Variants in RAB11FIP3 observed in about 807,000 individuals in gnomAD.
RAB11FIP3 encodes the protein rab11 family-interacting protein 3.
RAB11FIP3 carries 17 observed loss-of-function variants against 77.8 expected under a neutral mutation model. That is an observed-to-expected ratio of 0.22 (90% CI 0.15 to 0.33). The LOEUF (loss-of-function observed/expected upper bound fraction) is 0.33. RAB11FIP3 is among the 10% of genes least tolerant of loss of function. RAB11FIP3 has a pLI of 1.00. For missense variants in RAB11FIP3, 1,005 were observed against 1,011.2 expected, an observed-to-expected ratio of 0.99 and a Z score of 0.08; for synonymous variants, 437 against 448.2, an observed-to-expected ratio of 0.98 and a Z score of 0.31.
At chr16:474,935 A>G (rs2055873041) in intron 3 of RAB11FIP3, 1 of 1,547,060 alleles carries the variant, frequency 6.5e-7, no homozygotes, top group South Asian at 1.2e-5. Flanking sequence ...CAGAAACCCC[A>G]GCATGACAAG....
At chr16:477,238 G>C (rs1174606297) in intron 3 of RAB11FIP3, among the ~76,000 whole-genome samples, 1 of 152,152 alleles carries the variant, frequency 6.6e-6, no homozygotes, top group Non-Finnish European at 1.5e-5. Flanking sequence ...TCGGCGACAA[G>C]AGCGAGACTC....
chr16:437,724 A>C (rs1273080608), intron 1 of RAB11FIP3, among the ~76,000 whole-genome samples: 4 of 152,182 alleles, frequency 2.6e-5, no homozygotes, highest in African/African-American at 9.6e-5. Flanking sequence ...CGAGCGCGCA[A>C]GACTGTTATG....
Position 505,080 on chromosome 16 carries a change from C to T in RAB11FIP3, c.1396-444C>T, listed in dbSNP as rs142111589. 2.7e-5 allele frequency among the ~76,000 whole-genome samples: 4 copies of T among 150,818 alleles called. No homozygotes were observed. Among genetic ancestry groups the T allele is most frequent in the Admixed American group, 6.6e-5 (1 of 15,062 alleles). Reference sequence around the variant, plus strand: ...CTCCCTTCACTCCTTCTCCTACCTCCGCAGGTGTCTGATTCTCATCTTGGT... The same window carrying T: ...CTCCCTTCACTCCTTCTCCTACCTCTGCAGGTGTCTGATTCTCATCTTGGT... On this transcript the variant is annotated intron_variant, in intron 7 of 13. Coordinates refer to ENST00000262305, the MANE Select transcript of RAB11FIP3 (RefSeq NM_014700.4). The surrounding 1 kb of genome is among the most constrained non-coding windows in gnomAD (Gnocchi z 4.0).
At chr16:515,347 T>C (rs1011461278) in intron 9 of RAB11FIP3, among the ~76,000 whole-genome samples, 2 of 152,144 alleles carry the variant, frequency 1.3e-5, no homozygotes, top group Non-Finnish European at 2.9e-5. Flanking sequence ...CTTAGTATGC[T>C]CCACTCAGCA....
chr16:486,635 G>A lies in RAB11FIP3; in HGVS notation c.1116-2216G>A, dbSNP rs560518075. Among the ~76,000 whole-genome samples, 234 of 152,354 alleles carry A rather than the reference G, an allele frequency of 1.5e-3. 1 individual carries two copies. Among genetic ancestry groups the A allele is most frequent in the Non-Finnish European group, 2.4e-3 (166 of 68,040 alleles). On this transcript the variant is annotated intron_variant, in intron 4 of 13. Transcript: ENST00000262305. ...TTGGGCGTCTGGGTGCAGACCGTCC[G>A]GTTCATACAGTCTCTGCCGTGTGGC...
At chr16:481,511 CA>C (rs1275931986) in intron 3 of RAB11FIP3, among the ~76,000 whole-genome samples, 1 of 149,904 alleles carries the variant, frequency 6.7e-6, no homozygotes, top group African/African-American at 2.4e-5. Flanking sequence ...GACCCTGTCT[CA>C]AAAAAAAACC....
intron 11 of RAB11FIP3, 46 bp downstream of exon 11, chr16:519,937 C>A: frequency 1.3e-6 from 2 of 1,536,304 alleles, no homozygotes; most frequent in Non-Finnish European, 1.8e-6. Context: ...CCCAGCCTGC[C>A]CCACGGGGAG....
chr16:426,623 G>C lies in RAB11FIP3; in HGVS notation c.617G>C (p.Arg206Pro). 2 of 1,591,420 alleles carry C rather than the reference G, an allele frequency of 1.3e-6. No homozygotes were observed. Among genetic ancestry groups the C allele is most frequent in the Admixed American group, 3.5e-5 (2 of 57,060 alleles). The change falls in exon 1 of 14, where the codon CGC becomes CCC. Residue 206 changes from arginine to proline, a missense_variant. By Grantham distance (103) the Arg-to-Pro change is moderately radical (BLOSUM62 -2). Coordinates refer to ENST00000262305, the MANE Select transcript of RAB11FIP3 (RefSeq NM_014700.4). This position sits in a 1 kb window ranked among gnomAD's most constrained non-coding sequence, Gnocchi z 5.0. ...EPVGSQEDGP[R>P]LRAVFDALDG... Reference sequence around the variant, plus strand: ...GTGGGGAGTCAGGAGGACGGCCCCCGCCTCCGAGCCGTGTTCGATGCCCTG... The same window carrying C: ...GTGGGGAGTCAGGAGGACGGCCCCCCCCTCCGAGCCGTGTTCGATGCCCTG...
chr16:426,829 C>T lies in RAB11FIP3; in HGVS notation c.714+109C>T. 4 of 842,080 alleles carry T rather than the reference C, an allele frequency of 4.8e-6. No homozygotes were observed. The highest frequency in any genetic ancestry group is 3.0e-5 in the East Asian group (1 of 33,478). The allele number at this position is 842,080 out of a possible 1,614,324, so 52.2% of individuals were successfully genotyped here. ...CCCCTGGAGTCGGGAAAGGCACTGT[C>T]AAGACCTGACGGTCCTGCTTTTTCT... On this transcript the variant is annotated intron_variant, in intron 1 of 13. Coordinates refer to ENST00000262305, the MANE Select transcript of RAB11FIP3 (RefSeq NM_014700.4). The surrounding 1 kb of genome is among the most constrained non-coding windows in gnomAD (Gnocchi z 5.0).
At chr16:504,968 C>G (rs989242517) in intron 7 of RAB11FIP3, among the ~76,000 whole-genome samples, 1 of 131,380 alleles carries the variant, frequency 7.6e-6, no homozygotes, top group African/African-American at 3.0e-5. Context: ...TCCTCCTGTA[C>G]TTCACCTCCT....
At chr16:489,094 A>ACG in intron 5 of RAB11FIP3, 94 bp downstream of exon 5, 1 of 1,381,368 alleles carries the variant, frequency 7.2e-7, no homozygotes, top group Non-Finnish European at 9.7e-7. Flanking sequence ...TTGGTGAGAG[A>ACG]ACTTGCTTTC....
chr16:512,095 A>C (rs988256854), intron 9 of RAB11FIP3, among the ~76,000 whole-genome samples: 4 of 152,218 alleles, frequency 2.6e-5, no homozygotes, highest in African/African-American at 9.7e-5. Context: ...GGGCAAAGCT[A>C]TGTGGAGAAG....
At chr16:498,858 A>G (rs964231787) in intron 6 of RAB11FIP3, among the ~76,000 whole-genome samples, 2 of 146,302 alleles carry the variant, frequency 1.4e-5, no homozygotes, top group Admixed American at 6.8e-5. Context: ...TAGAGGAAGC[A>G]GAGGTGAACG....
At chr16:440,134 C>T (rs111424277) in intron 1 of RAB11FIP3, among the ~76,000 whole-genome samples, 14 of 152,142 alleles carry the variant, frequency 9.2e-5, no homozygotes, top group African/African-American at 3.1e-4. Flanking sequence ...TGAGCCACCG[C>T]GCCCGGCCTT....
intron 6 of RAB11FIP3, chr16:497,063 AC>A: frequency 1.7e-6 from 1 of 604,970 alleles, no homozygotes; most frequent in Non-Finnish European, 2.7e-6. Flanking sequence ...TGGATTTGTG[AC>A]CAGGGAGGGT....
At position 472,610 on chromosome 16, in the gene RAB11FIP3, C is replaced by T. The variant is rs114447578; in HGVS notation, c.903+1221C>T. 6.1e-3 allele frequency among the ~76,000 whole-genome samples: 930 copies of T among 152,288 alleles called. 10 individuals carry two copies. The highest frequency in any genetic ancestry group is 0.021 in the African/African-American group (883 of 41,556). On this transcript the variant is annotated intron_variant, in intron 3 of 13. Transcript: ENST00000262305. This position sits in a 1 kb window ranked among gnomAD's most constrained non-coding sequence, Gnocchi z 4.1. ...GTAACCCAGAGCCCTTGGTCTGCAA[C>T]GTCCGGGGAACTGTGTGTTCCTGGG...
intron 1 of RAB11FIP3, among the ~76,000 whole-genome samples, chr16:442,385 T>C (rs2055242603): frequency 6.6e-6 from 1 of 152,222 alleles, no homozygotes; most frequent in Non-Finnish European, 1.5e-5. Flanking sequence ...GTTGGAGTTA[T>C]AAATTCAACT....
chr16:435,478 G>T (rs565558588), intron 1 of RAB11FIP3, among the ~76,000 whole-genome samples: 31 of 152,172 alleles, frequency 2.0e-4, no homozygotes, highest in Non-Finnish European at 3.8e-4. Context: ...ACTTAGATTA[G>T]CACTTCTAAG....
At chr16:491,334 C>A in intron 5 of RAB11FIP3, 1 of 1,272,164 alleles carries the variant, frequency 7.9e-7, no homozygotes, top group Non-Finnish European at 1.0e-6. Flanking sequence ...ATACCCACAG[C>A]CCCCTTGAGG....
Sources: gnomAD v4.1 joint callset for allele counts (sites outside exome capture counted in the v4.1 genomes callset) on GRCh38, gnomAD v4.1.1 for gene constraint, Gnocchi (gnomAD v3.1) non-coding constraint, MANE v1.5 for transcripts, NCBI Gene and HGNC (gene_info 2026-07-23, HGNC 2026-07-21) for gene names.